ARHGEF28: variants seen among roughly 807,000 people sequenced by gnomAD.
ARHGEF28 encodes Rho guanine nucleotide exchange factor 28.
Under a neutral mutation model 206.6 loss-of-function variants are expected in ARHGEF28, and 152 were observed. The observed-to-expected ratio is 0.74, with a 90% CI of 0.64 to 0.84. The LOEUF (loss-of-function observed/expected upper bound fraction) is 0.84, where lower values mean the gene tolerates loss of function less well. ARHGEF28 is among the 40% of genes least tolerant of loss of function. The pLI is 0.00. For synonymous variants in ARHGEF28, 763 were observed against 776.4 expected, an observed-to-expected ratio of 0.98 and a Z score of 0.29; for missense variants, 2,028 against 2,073.2, an observed-to-expected ratio of 0.98 and a Z score of 0.42.
intron 1 of ARHGEF28, among the ~76,000 whole-genome samples, chr5:73,641,404 C>CTTT (rs34541531): frequency 1.4e-5 from 1 of 70,632 alleles, no homozygotes; most frequent in Admixed American, 1.2e-4. Flanking sequence ...AGGGGAAAGG[C>CTTT]TTTTTTTTTT....
chr5:73,857,076 T>A (rs572876666), intron 14 of ARHGEF28, among the ~76,000 whole-genome samples: 15 of 152,298 alleles, frequency 9.8e-5, no homozygotes, highest in African/African-American at 2.9e-4. Context: ...ATCCATAGCC[T>A]CTCTCCTCCA....
intron 22 of ARHGEF28, among the ~76,000 whole-genome samples, chr5:73,880,049 G>A (rs573993527): frequency 3.9e-5 from 6 of 152,294 alleles, no homozygotes; most frequent in South Asian, 2.1e-4. Flanking sequence ...ACAGAGGCAG[G>A]CAGGCCTCCT....
At chr5:73,847,788 C>T (rs78963251) in intron 12 of ARHGEF28, among the ~76,000 whole-genome samples, 1,658 of 152,300 alleles carry the variant, frequency 0.011, 25 homozygotes, top group Non-Finnish European at 0.014. Flanking sequence ...ACCACGTATA[C>T]ATGACTCTGA....
intron 2 of ARHGEF28, among the ~76,000 whole-genome samples, chr5:73,701,547 G>T (rs1748601854): frequency 1.3e-5 from 2 of 152,120 alleles, no homozygotes. Flanking sequence ...GCTCAGAATT[G>T]CAAGTATCTT....
At chr5:73,725,444 G>A (rs1055461573) in intron 2 of ARHGEF28, among the ~76,000 whole-genome samples, 3 of 152,130 alleles carry the variant, frequency 2.0e-5, no homozygotes, top group African/African-American at 7.2e-5. Flanking sequence ...TCCACTGGAC[G>A]TTATTTTTTC....
chr5:73,776,409 A>AG, intron 5 of ARHGEF28, 107 bp from the exon 6 acceptor site: 1 of 1,021,408 alleles, frequency 9.8e-7, no homozygotes, highest in Non-Finnish European at 1.4e-6. Flanking sequence ...TTCAAGGATC[A>AG]TTTTGCCAGT....
intron 2 of ARHGEF28, among the ~76,000 whole-genome samples, chr5:73,745,998 A>G (rs1355359296): frequency 1.3e-5 from 2 of 152,094 alleles, no homozygotes; most frequent in Admixed American, 6.5e-5. Flanking sequence ...GGTGAATTAA[A>G]TCAGCGAGGA....
intron 33 of ARHGEF28, among the ~76,000 whole-genome samples, chr5:73,907,142 G>T (rs1762598760): frequency 6.6e-6 from 1 of 152,158 alleles, no homozygotes. Context: ...GATGTTCTTA[G>T]CAATCAATGT....
intron 1 of ARHGEF28, among the ~76,000 whole-genome samples, chr5:73,649,590 T>G (rs1744666939): frequency 6.6e-6 from 1 of 152,250 alleles, no homozygotes; most frequent in African/African-American, 2.4e-5. Flanking sequence ...GTGAGTAAAG[T>G]GAGTTCTGTG....
intron 2 of ARHGEF28, among the ~76,000 whole-genome samples, chr5:73,740,021 A>T (rs965773018): frequency 2.7e-5 from 4 of 148,912 alleles, no homozygotes; most frequent in African/African-American, 9.8e-5. Flanking sequence ...AAAAAAAAAA[A>T]ATTTAGCTAG....
rs16870970 is a variant in ARHGEF28, at chr5:73,852,604, C to T, written c.1748-46C>T. 0.025 allele frequency: 38,609 copies of T among 1,570,314 alleles called. 2,574 individuals carry two copies. The highest frequency in any genetic ancestry group is 0.17 in the African/African-American group (12,257 of 74,208). ...GCATTTCAGACTAACATATGACTGC[C>T]AGTTTGTGTGCCTTAGTTTTCATTT... On this transcript the variant is annotated intron_variant, in intron 13 of 35. Transcript: ENST00000513042.
intron 3 of ARHGEF28, among the ~76,000 whole-genome samples, chr5:73,751,870 G>T (rs1752033993): frequency 7.0e-6 from 1 of 142,582 alleles, no homozygotes; most frequent in Non-Finnish European, 1.6e-5. Context: ...GTGTAGTCTG[G>T]TGGGAGGTGG....
Position 73,846,272 on chromosome 5 carries a change from A to G in ARHGEF28, c.1432A>G (p.Ser478Gly). 1 of 1,612,606 alleles carries G rather than the reference A, an allele frequency of 6.2e-7. No homozygotes were observed. The highest frequency in any genetic ancestry group is 8.5e-7 in the Non-Finnish European group (1 of 1,179,540). ...CTTGCTGGCTTTGTGCTTTAGTTCT[A>G]GCCTTGATGCCTTGGACGCCGACAG... ...EQSHLKKRSS[S>G]LDALDADSEG... The change falls in exon 12 of 36, where the codon AGC becomes GGC. Residue 478 changes from serine (S) to glycine (G), a missense_variant. Physicochemically the swap from Ser to Gly is moderately conservative, Grantham distance 56. This residue lies in a region of ARHGEF28 where 1,002 missense variants were observed against 1,015.3 expected (regional missense o/e 0.99). Coordinates refer to ENST00000513042, the MANE Select transcript of ARHGEF28 (RefSeq NM_001177693.2).
chr5:73,814,545 G>A (rs989735715), intron 9 of ARHGEF28, among the ~76,000 whole-genome samples: 1 of 151,964 alleles, frequency 6.6e-6, no homozygotes, highest in African/African-American at 2.4e-5. Flanking sequence ...ATCCTTCCCC[G>A]TTCTTGTCTT....
At chr5:73,814,023 T>C (rs972075087) in intron 9 of ARHGEF28, among the ~76,000 whole-genome samples, 6 of 152,158 alleles carry the variant, frequency 3.9e-5, no homozygotes, top group African/African-American at 1.4e-4. Context: ...GATTTAAACA[T>C]GTTCAGTCTT....
chr5:73,693,191 G>A (rs16870700), intron 2 of ARHGEF28, among the ~76,000 whole-genome samples: 2 of 151,864 alleles, frequency 1.3e-5, no homozygotes, highest in Non-Finnish European at 1.5e-5. Context: ...GGGGTTTTCC[G>A]ACCTTCACTG....
intron 9 of ARHGEF28, among the ~76,000 whole-genome samples, chr5:73,829,203 T>C (rs969448382): frequency 6.6e-6 from 1 of 152,236 alleles, no homozygotes; most frequent in Non-Finnish European, 1.5e-5. Flanking sequence ...AAAGATGACA[T>C]TGAATCATAG....
At chr5:73,882,741 G>A in intron 23 of ARHGEF28, 147 bp downstream of exon 23, 1 of 755,628 alleles carries the variant, frequency 1.3e-6, no homozygotes, top group Non-Finnish European at 2.0e-6. Context: ...TGACAAAGGT[G>A]GAAAGTCTCT....
At chr5:73,862,702 AATT>A in intron 16 of ARHGEF28, among the ~76,000 whole-genome samples, 1 of 152,216 alleles carries the variant, frequency 6.6e-6, no homozygotes, top group East Asian at 1.9e-4. Context: ...ACACTGAATT[AATT>A]ATTATTCTTT....
Sources: allele counts gnomAD v4.1 joint callset (sites outside exome capture counted in the v4.1 genomes callset), GRCh38; gene constraint gnomAD v4.1.1; regional missense constraint gnomAD v4.1.1; transcripts MANE v1.5; gene names NCBI Gene and HGNC (gene_info 2026-07-23, HGNC 2026-07-21).